RAPGEF2: variants seen among roughly 807,000 people sequenced by gnomAD.
The protein encoded by RAPGEF2 is PDZ domain containing guanine nucleotide exchange factor (GEF) 1.
A neutral mutation model predicts 186.7 loss-of-function variants in RAPGEF2; 54 were observed. The ratio of observed to expected loss-of-function variants is 0.29; its 90% CI spans 0.23 to 0.36. RAPGEF2 has a LOEUF of 0.36. Ranked by LOEUF, RAPGEF2 falls within the 10% of genes least tolerant of loss-of-function variation. The pLI is 1.00. For missense variants in RAPGEF2, 1,532 were observed against 2,045.0 expected (o/e 0.75, Z 4.84); for synonymous variants, 712 against 705.9 (o/e 1.01, Z -0.14).
intron 1 of RAPGEF2, among the ~76,000 whole-genome samples, chr4:159,166,596 T>TC (rs975582049): frequency 1.3e-5 from 2 of 152,198 alleles, no homozygotes; most frequent in African/African-American, 4.8e-5. Context: ...GTTCCAGAAT[T>TC]CCAGAATCCA....
Position 159,345,180 on chromosome 4 carries a change from G to A in RAPGEF2, c.3353G>A (p.Arg1118His), listed in dbSNP as rs764514527. Residue 1118 changes from arginine to histidine, a missense_variant, in exon 24 of 30, where the codon CGT becomes CAT. Physicochemically the swap from Arg to His is conservative, Grantham distance 29. Around this residue, in one of 4 missense-constraint regions of RAPGEF2, gnomAD observed 117 missense variants for 180.8 expected, o/e 0.65. Coordinates refer to ENST00000691494, the MANE Select transcript of RAPGEF2 (RefSeq NM_001394067.2). Reference protein sequence around the residue: ...AQTGGHKKRVRRSSFLNAKKL... With the variant: ...AQTGGHKKRVHRSSFLNAKKL... ...ACAGGTGGTCATAAAAAGCGGGTAC[G>A]TCGTAGTTCCTTTCTCAATGCCAAA... is the stretch of plus-strand genomic sequence containing the variant. 8 of 1,614,050 alleles carry A rather than the reference G, an allele frequency of 5.0e-6. No homozygotes were observed. Among genetic ancestry groups the A allele is most frequent in the East Asian group, 2.2e-5 (1 of 44,898 alleles).
At chr4:159,111,972 T>C (rs535800408) in intron 1 of RAPGEF2, among the ~76,000 whole-genome samples, 3 of 152,324 alleles carry the variant, frequency 2.0e-5, no homozygotes, top group South Asian at 2.1e-4. Context: ...TGTTGGACTT[T>C]TATAGCCACA....
intron 7 of RAPGEF2, among the ~76,000 whole-genome samples, chr4:159,269,116 A>T (rs1263599978): frequency 6.6e-6 from 1 of 152,206 alleles, no homozygotes; most frequent in Non-Finnish European, 1.5e-5. Flanking sequence ...AAACTTTAAA[A>T]GTGGAAATAA....
intron 28 of RAPGEF2, among the ~76,000 whole-genome samples, chr4:159,355,375 A>G (rs1367761149): frequency 6.6e-6 from 1 of 152,174 alleles, no homozygotes; most frequent in Non-Finnish European, 1.5e-5. Flanking sequence ...AGTGATGTAG[A>G]ATTGCTTCTC....
At position 159,188,322 on chromosome 4, in the gene RAPGEF2, G is replaced by A. The variant is rs190877828; in HGVS notation, c.140+1610G>A. ...TTTATTTAGATAATAGGAATTCTAT[G>A]CAATAGAAAAAGGATTTTTTATACT... On this transcript the variant is annotated intron_variant, in intron 2 of 29. Transcript: ENST00000691494. 2.2e-3 allele frequency among the ~76,000 whole-genome samples: 332 copies of A among 152,212 alleles called. 2 individuals carry two copies. Among genetic ancestry groups the A allele is most frequent in the African/African-American group, 7.4e-3 (308 of 41,554 alleles).
chr4:159,197,605 C>G (rs1017262090), intron 3 of RAPGEF2, among the ~76,000 whole-genome samples: 9 of 152,180 alleles, frequency 5.9e-5, no homozygotes, highest in African/African-American at 7.2e-5. Context: ...TACATTGAGG[C>G]CTGTTGGGTC....
chr4:159,204,531 C>G (rs1288623627), intron 3 of RAPGEF2, among the ~76,000 whole-genome samples: 1 of 152,204 alleles, frequency 6.6e-6, no homozygotes, highest in Non-Finnish European at 1.5e-5. Flanking sequence ...TCATACAGTT[C>G]TGATTGCCCC....
intron 7 of RAPGEF2, among the ~76,000 whole-genome samples, chr4:159,297,443 C>T (rs758993945): frequency 5.9e-5 from 9 of 152,094 alleles, no homozygotes; most frequent in Admixed American, 3.3e-4. Flanking sequence ...CACAAAACTA[C>T]GCAAGTTGTT....
At chr4:159,108,799 G>A (rs1272601953) in intron 1 of RAPGEF2, among the ~76,000 whole-genome samples, 1 of 152,080 alleles carries the variant, frequency 6.6e-6, no homozygotes, top group South Asian at 2.1e-4. Context: ...GCTCACTGCA[G>A]CCTCTATCTC....
In RAPGEF2 at chr4:159,225,115, A is replaced by G. The variant is rs190692517; in HGVS notation, c.282-13694A>G. 2.0e-5 allele frequency among the ~76,000 whole-genome samples: 3 copies of G among 152,292 alleles called. No individual in the cohort carries two copies. The East Asian group carries it at 5.8e-4, about 29-fold the overall frequency. ...AAAGAGATAACCTGGGTCACCTGAG[A>G]AAGGTTGTAGATACAGGGTAGGGTA... On this transcript the variant is annotated intron_variant, in intron 4 of 29. Transcript: ENST00000691494.
intron 4 of RAPGEF2, 83 bp downstream of exon 4, chr4:159,210,666 TC>T (rs1750432423): frequency 9.7e-7 from 1 of 1,027,390 alleles, no homozygotes; most frequent in Non-Finnish European, 1.4e-6. Context: ...TCTTTTCTCT[TC>T]CTGTGTTCTC....
At chr4:159,170,727 A>G (rs1745825786) in intron 1 of RAPGEF2, among the ~76,000 whole-genome samples, 1 of 152,092 alleles carries the variant, frequency 6.6e-6, no homozygotes, top group South Asian at 2.1e-4. Context: ...CCATTCATCT[A>G]TTTTTGATTT....
chr4:159,280,131 T>TA (rs1759492653), intron 7 of RAPGEF2, among the ~76,000 whole-genome samples: 1 of 152,210 alleles, frequency 6.6e-6, no homozygotes, highest in Non-Finnish European at 1.5e-5. Flanking sequence ...TGCTTTGACT[T>TA]ACTATTTGGG....
chr4:159,123,085 T>G (rs1404080354), intron 1 of RAPGEF2, among the ~76,000 whole-genome samples: 1 of 152,262 alleles, frequency 6.6e-6, no homozygotes, highest in African/African-American at 2.4e-5. Flanking sequence ...GAAAATAGTA[T>G]ACAATACAAC....
At chr4:159,323,423 G>A (rs770628811) in intron 10 of RAPGEF2, 36 bp from the exon 11 acceptor site, 27 of 1,532,450 alleles carry the variant, frequency 1.8e-5, no homozygotes, top group Middle Eastern at 1.7e-4. Flanking sequence ...TGATCATGAT[G>A]TTACTTTCTG....
At chr4:159,334,599 A>G (rs1767142605) in intron 17 of RAPGEF2, among the ~76,000 whole-genome samples, 1 of 152,232 alleles carries the variant, frequency 6.6e-6, no homozygotes, top group South Asian at 2.1e-4. Context: ...TCTTAGAGTC[A>G]TATTTGACCA....
intron 7 of RAPGEF2, among the ~76,000 whole-genome samples, chr4:159,273,666 CTTTCTTTCTT>C (rs1561188882): frequency 1.3e-5 from 2 of 148,702 alleles, no homozygotes; most frequent in Non-Finnish European, 3.0e-5. Context: ...TTCTTTCTTT[CTTTCTTTCTT>C]TCTTTCTTTC....
At chr4:159,187,829 G>A (rs909004163) in intron 2 of RAPGEF2, among the ~76,000 whole-genome samples, 2 of 152,124 alleles carry the variant, frequency 1.3e-5, no homozygotes, top group Admixed American at 1.3e-4. Flanking sequence ...GATGCCAGCG[G>A]GTTTTAATTA....
chr4:159,153,945 A>C (rs961914910), intron 1 of RAPGEF2, among the ~76,000 whole-genome samples: 1 of 152,188 alleles, frequency 6.6e-6, no homozygotes, highest in African/African-American at 2.4e-5. Context: ...TAAACAAAAG[A>C]AGGGCCCGTG....
Sources: allele counts gnomAD v4.1 joint callset (sites outside exome capture counted in the v4.1 genomes callset), GRCh38; gene constraint gnomAD v4.1.1; regional missense constraint gnomAD v4.1.1; transcripts MANE v1.5; gene names NCBI Gene and HGNC (gene_info 2026-07-23, HGNC 2026-07-21).